The following GCNT1 variants were observed in gnomAD, a reference collection of about 807,000 sequenced individuals.
The protein encoded by GCNT1 is beta-1,3-galactosyl-O-glycosyl-glycoprotein beta-1,6-N-acetylglucosaminyltransferase.
Under a neutral mutation model 26.2 loss-of-function variants are expected in GCNT1, and 16 were observed. The ratio of observed to expected loss-of-function variants is 0.61; its 90% CI spans 0.41 to 0.93. The LOEUF is 0.93. Among genes scored for constraint, GCNT1 ranks in the 40% least tolerant of loss-of-function variants. GCNT1 has a pLI of 0.00. For synonymous variants in GCNT1, 183 were observed against 190.8 expected, an observed-to-expected ratio of 0.96 and a Z score of 0.34; for missense variants, 477 against 526.7, an observed-to-expected ratio of 0.91 and a Z score of 0.92.
intron 3 of GCNT1, among the ~76,000 whole-genome samples, 168 bp downstream of exon 3, chr9:76,501,229 T>A (rs1825057031): frequency 6.6e-6 from 1 of 152,222 alleles, no homozygotes; most frequent in Admixed American, 6.5e-5. Flanking sequence ...TGAACAGATT[T>A]ATAACGGTCA....
chr9:76,457,912 A>C (rs915883848), upstream of GCNT1, among the ~76,000 whole-genome samples: 6 of 152,096 alleles, frequency 3.9e-5, no homozygotes, highest in Non-Finnish European at 8.8e-5. Flanking sequence ...AAGAGGATAC[A>C]CAAGCTCCTA....
At chr9:76,436,179 TG>T (rs1421946693) in intron 1 of GCNT1, among the ~76,000 whole-genome samples, 2 of 151,434 alleles carry the variant, frequency 1.3e-5, no homozygotes, top group African/African-American at 4.9e-5. Context: ...CTTGAACTCC[TG>T]ACCTCAGGTG....
At chr9:76,484,285 A>T (rs638410) in intron 2 of GCNT1, among the ~76,000 whole-genome samples, 34,062 of 151,702 alleles carry the variant, frequency 0.22, 4,955 homozygotes, top group East Asian at 0.53. Flanking sequence ...GCTAAGGTGG[A>T]AGGATCCCCA....
chr9:76,415,343 C>T (rs1823123518), upstream of GCNT1, among the ~76,000 whole-genome samples: 4 of 152,180 alleles, frequency 2.6e-5, no homozygotes, highest in Admixed American at 2.6e-4. Context: ...AGGCATGAGT[C>T]ACCACACCTG....
At chr9:76,491,644 C>G (rs1824740115) in intron 2 of GCNT1, among the ~76,000 whole-genome samples, 1 of 152,184 alleles carries the variant, frequency 6.6e-6, no homozygotes, top group Non-Finnish European at 1.5e-5. Context: ...CCTTCATATC[C>G]CATTCTCCAC....
At chr9:76,476,866 T>G (rs971005422) in intron 2 of GCNT1, among the ~76,000 whole-genome samples, 2 of 152,198 alleles carry the variant, frequency 1.3e-5, no homozygotes, top group Non-Finnish European at 2.9e-5. Context: ...TATATTTCCC[T>G]TATTCTAATA....
upstream of GCNT1, among the ~76,000 whole-genome samples, chr9:76,456,734 A>C (rs1313880469): frequency 1.3e-5 from 2 of 152,192 alleles, no homozygotes; most frequent in South Asian, 2.1e-4. Flanking sequence ...GCATTATGGG[A>C]GACTGAGGTG....
At chr9:76,442,915 C>T (rs1823503840) in intron 1 of GCNT1, among the ~76,000 whole-genome samples, 1 of 151,728 alleles carries the variant, frequency 6.6e-6, no homozygotes, top group Admixed American at 6.6e-5. Flanking sequence ...TAAAACAAAA[C>T]AAACACTGGC....
intron 1 of GCNT1, among the ~76,000 whole-genome samples, chr9:76,436,107 A>G (rs905089432): frequency 6.6e-6 from 1 of 151,760 alleles, no homozygotes; most frequent in Non-Finnish European, 1.5e-5. Context: ...ATGTGCCACC[A>G]TGCCTGGCTA....
Position 76,503,669 on chromosome 9 carries a change from C to A in GCNT1, c.*1C>A. The A allele has an allele frequency of 6.2e-7, 1 of 1,604,658 alleles. No individual in the cohort carries two copies. The highest frequency in any genetic ancestry group is 8.5e-7 in the Non-Finnish European group (1 of 1,171,994). On this transcript the variant is annotated 3_prime_UTR_variant, in exon 4 of 4. Transcript: ENST00000376730. ...AGCTTTGGAGACATTAAAACACTGA[C>A]CATTACGGGCAATTTTATGAACAAG...
At chr9:76,420,944 G>A (rs11794053) in intron 1 of GCNT1, among the ~76,000 whole-genome samples, 324 of 122,898 alleles carry the variant, frequency 2.6e-3, no homozygotes, top group African/African-American at 2.9e-3. Context: ...ATCTCAAAAG[G>A]AAAAAAAAAA....
chr9:76,415,839 A>G (rs1255924444), upstream of GCNT1, among the ~76,000 whole-genome samples: 1 of 152,146 alleles, frequency 6.6e-6, no homozygotes, highest in Non-Finnish European at 1.5e-5. Context: ...TTGTCTTTCC[A>G]TTGTGATTTT....
intron 2 of GCNT1, among the ~76,000 whole-genome samples, chr9:76,476,690 T>C (rs1311090899): frequency 6.6e-6 from 1 of 152,244 alleles, no homozygotes; most frequent in Non-Finnish European, 1.5e-5. Context: ...GTTTCGCTGT[T>C]ACTTATACTT....
the GCNT1 span, among the ~76,000 whole-genome samples, chr9:76,402,183 A>G: frequency 3.3e-5 from 5 of 152,160 alleles, no homozygotes; most frequent in African/African-American, 1.2e-4. Context: ...AGAGGCAGAG[A>G]GCTTTCCTGT....
At chr9:76,478,238 C>T (rs1010114224) in intron 2 of GCNT1, among the ~76,000 whole-genome samples, 2 of 152,190 alleles carry the variant, frequency 1.3e-5, no homozygotes, top group Non-Finnish European at 2.9e-5. Flanking sequence ...TGCTGTTGGT[C>T]ACTCTTTGCG....
intron 2 of GCNT1, among the ~76,000 whole-genome samples, chr9:76,481,919 A>G (rs1237651430): frequency 6.6e-6 from 1 of 152,174 alleles, no homozygotes; most frequent in East Asian, 1.9e-4. Context: ...ATAACTACAA[A>G]CAGTGGGTTG....
chr9:76,462,375 G>A (rs1823891640), intron 2 of GCNT1, among the ~76,000 whole-genome samples: 1 of 152,170 alleles, frequency 6.6e-6, no homozygotes, highest in Admixed American at 6.5e-5. Context: ...TTTCCTATCT[G>A]AGGCAAATGC....
intron 2 of GCNT1, among the ~76,000 whole-genome samples, chr9:76,475,476 C>T (rs1824232668): frequency 6.6e-6 from 1 of 152,190 alleles, no homozygotes; most frequent in African/African-American, 2.4e-5. Flanking sequence ...AAGATGCTGC[C>T]CTACATTTTT....
At chr9:76,413,648 G>GTTTTTTTTTTTTTTT in the GCNT1 span, among the ~76,000 whole-genome samples, 25 of 28,086 alleles carry the variant, frequency 8.9e-4, no homozygotes, top group Admixed American at 4.7e-3. Flanking sequence ...TTTTTGTTTT[G>GTTTTTTTTTTTTTTT]TTTTGTTTTT....
Sources: gnomAD v4.1 joint callset for allele counts (sites outside exome capture counted in the v4.1 genomes callset) on GRCh38, gnomAD v4.1.1 for gene constraint, MANE v1.5 for transcripts, NCBI Gene and HGNC (gene_info 2026-07-23, HGNC 2026-07-21) for gene names.